Variants in NOTCH1 observed in about 807,000 individuals in gnomAD.
NOTCH1 encodes the protein neurogenic locus notch homolog protein 1.
NOTCH1 carries 37 observed loss-of-function variants against 254.8 expected under a neutral mutation model. The ratio of observed to expected loss-of-function variants is 0.15; its 90% CI spans 0.11 to 0.19. The LOEUF is 0.19. Among genes scored for constraint, NOTCH1 ranks in the 10% least tolerant of loss-of-function variants. The pLI, the probability that NOTCH1 is intolerant of heterozygous loss-of-function variation, is 1.00. For synonymous variants in NOTCH1, 1,731 were observed against 1,618.1 expected (o/e 1.07, Z -1.68); for missense variants, 2,972 against 3,708.6 (o/e 0.80, Z 5.16).
Position 136,522,860 on chromosome 9 carries a change from G to A in NOTCH1, c.732C>T (p.Ala244=). The part of the protein sequence containing the change: ...RPTGDVTHEC[A]CLPGFTGQNC... ...AGCGGGCAGCACTACCTGGCAGGCAGGCACACTCGTGGGTGACGTCGCCCG... is the reference window on the plus strand; with the variant it reads ...AGCGGGCAGCACTACCTGGCAGGCAAGCACACTCGTGGGTGACGTCGCCCG... Residue 244 remains alanine, a synonymous_variant, in exon 4 of 34, where the codon GCC becomes GCT. Coordinates refer to ENST00000651671, the MANE Select transcript of NOTCH1 (RefSeq NM_017617.5). The A allele has an allele frequency of 6.7e-7, 1 of 1,501,108 alleles. No individual in the cohort carries two copies. Among genetic ancestry groups the A allele is most frequent in the South Asian group, 1.3e-5 (1 of 77,532 alleles). 93.0% of individuals were successfully genotyped at this position (1,501,108 alleles called of 1,614,324 possible). A position where few individuals can be genotyped will look rare whatever the true frequency, so the allele number is the denominator to read the frequency against.
chr9:136,507,604 G>A (rs1843109437), intron 21 of NOTCH1, among the ~76,000 whole-genome samples, 167 bp from the exon 22 acceptor site: 1 of 152,232 alleles, frequency 6.6e-6, no homozygotes, highest in African/African-American at 2.4e-5. Context: ...CAGCCCAACA[G>A]ACCCTGGCGG....
chr9:136,505,442 T>C lies in NOTCH1; in HGVS notation c.4454A>G (p.Asp1485Gly), dbSNP rs1450149257. ...AGACTGCGTGCAGTTCTTCCAGGGG[T>C]CATTGAAGTTGAGGGAGCAGTCACC... ...DGGDCSLNFN[D>G]PWKNCTQSLQ... Residue 1485 changes from aspartate to glycine, a missense_variant, in exon 25 of 34, where the codon GAC becomes GGC. By Grantham distance (94) the Asp-to-Gly change is moderately conservative. Coordinates refer to ENST00000651671, the MANE Select transcript of NOTCH1 (RefSeq NM_017617.5). 1 of 1,612,612 alleles carries C rather than the reference T, an allele frequency of 6.2e-7. No homozygotes were observed. The highest frequency in any genetic ancestry group is 1.3e-5 in the African/African-American group (1 of 74,950).
At position 136,502,144 on chromosome 9, in the gene NOTCH1, G is replaced by A. The variant is rs566669647; in HGVS notation, c.5385-56C>T. The A allele has an allele frequency of 1.3e-4, 203 of 1,606,648 alleles. 2 individuals are homozygous for A. The South Asian group carries it at 2.1e-3, about 17-fold the overall frequency. On this transcript the variant is annotated intron_variant, in intron 28 of 33. Coordinates refer to ENST00000651671, the MANE Select transcript of NOTCH1 (RefSeq NM_017617.5). The stretch of plus-strand genomic sequence containing the variant: ...GAGCGAGCTCCCTAGGAAGCCCCCA[G>A]AGACCCCTGGCCCGGGCCTGGCGTG...
At position 136,495,355 on chromosome 9, in the gene NOTCH1, T is replaced by C; in HGVS notation, c.*716A>G. The C allele has an allele frequency of 2.5e-6, 1 of 398,878 alleles. No individual in the cohort carries two copies. The highest frequency in any genetic ancestry group is 4.4e-6 in the Non-Finnish European group (1 of 226,100). 24.7% of individuals were successfully genotyped at this position (398,878 alleles called of 1,614,324 possible). The stretch of plus-strand genomic sequence containing the variant: ...ATACTGAACCTGAAACAAAGATTCA[T>C]GATTGGTACCATGGGTGCACTCTTG... On this transcript the variant is annotated 3_prime_UTR_variant, in exon 34 of 34. Transcript: ENST00000651671.
Position 136,503,182 on chromosome 9 carries a change from T to C in NOTCH1, c.5167A>G (p.Ser1723Gly). 1 of 1,612,726 alleles carries C rather than the reference T, an allele frequency of 6.2e-7. No individual in the cohort carries two copies. The highest frequency in any genetic ancestry group is 8.5e-7 in the Non-Finnish European group (1 of 1,179,996). ...GTTCCCGGGATGGGGCCACACTTAC[T>C]CTGCACGGCCTCGATCTTGTAGGGG... ...NIPYKIEAVQSETVEPPPPAQ... is the reference protein window; with the variant it reads ...NIPYKIEAVQGETVEPPPPAQ... The change falls in exon 27 of 34, where the codon AGT becomes GGT. Residue 1723 changes from serine (S) to glycine (G), a missense_variant and splice_region_variant. This residue lies in a region of NOTCH1 where 421 missense variants were observed against 604.4 expected (regional missense o/e 0.70). Transcript: ENST00000651671.
intron 33 of NOTCH1, among the ~76,000 whole-genome samples, chr9:136,498,633 G>C (rs1842951697): frequency 6.6e-6 from 1 of 152,222 alleles, no homozygotes. Context: ...CTGCCGCCCA[G>C]GAGGGTAGGG....
chr9:136,508,091 G>A lies in NOTCH1; in HGVS notation c.3374C>T (p.Ala1125Val), dbSNP rs200871631. Residue 1125 changes from alanine to valine, a missense_variant, in exon 21 of 34, where the codon GCG becomes GTG. By Grantham distance (64) the Ala-to-Val change is moderately conservative. Around this residue, in one of 8 missense-constraint regions of NOTCH1, gnomAD observed 1,343 missense variants for 1,557.0 expected, o/e 0.86. Coordinates refer to ENST00000651671, the MANE Select transcript of NOTCH1 (RefSeq NM_017617.5). ...GCAGCGGCAGTGGTGCGTGTTGCCC[G>A]CGTCCACACAGAGCCCTCCATGCTG... is the stretch of plus-strand genomic sequence containing the variant. ...LCQHGGLCVD[A>V]GNTHHCRCQA... 5.7e-5 allele frequency: 91 copies of A among 1,609,448 alleles called. No individual in the cohort carries two copies. The highest frequency in any genetic ancestry group is 5.6e-4 in the South Asian group (51 of 91,080).
chr9:136,505,206 A>T, intron 25 of NOTCH1, 102 bp from the exon 26 acceptor site: 1 of 1,514,512 alleles, frequency 6.6e-7, no homozygotes, highest in South Asian at 1.2e-5. Context: ...ACGTCCCTGC[A>T]CCCCCTGAGC....
At position 136,496,154 on chromosome 9, in the gene NOTCH1, C is replaced by T. The variant is rs1052013977; in HGVS notation, c.7585G>A (p.Val2529Ile). ...GAGACGCCCTCGGACCAGTCGGAGACGTTGGAATGCGGGGACGAGCTGGAC... is the reference window on the plus strand; with the variant it reads ...GAGACGCCCTCGGACCAGTCGGAGATGTTGGAATGCGGGGACGAGCTGGAC... ...QWSSSSPHSN[V>I]SDWSEGVSSP... The change falls in exon 34 of 34, where the codon GTC becomes ATC. Residue 2529 changes from valine (V) to isoleucine (I), a missense_variant. Transcript: ENST00000651671. 61 of 1,609,922 alleles carry T rather than the reference C, an allele frequency of 3.8e-5. No individual in the cohort carries two copies. Among genetic ancestry groups the T allele is most frequent in the Middle Eastern group, 1.6e-4 (1 of 6,076 alleles).
At position 136,502,148 on chromosome 9, in the gene NOTCH1, C is replaced by T. The variant is rs1182850522; in HGVS notation, c.5385-60G>A. On this transcript the variant is annotated intron_variant, in intron 28 of 33. Transcript: ENST00000651671. ...GAGCTCCCTAGGAAGCCCCCAGAGA[C>T]CCCTGGCCCGGGCCTGGCGTGGGAG... 8.7e-6 allele frequency: 14 copies of T among 1,604,874 alleles called. No homozygotes were observed. The East Asian group carries it at 1.6e-4, about 18-fold the overall frequency.
Position 136,513,136 on chromosome 9 carries a change from TG to T in NOTCH1, c.2354-3del. On this transcript the variant is annotated splice_polypyrimidine_tract_variant and splice_region_variant and intron_variant, in intron 14 of 33. Coordinates refer to ENST00000651671, the MANE Select transcript of NOTCH1 (RefSeq NM_017617.5). The surrounding 1 kb of genome is among the most constrained non-coding windows in gnomAD (Gnocchi z 4.7). ...TGATGTTGGTCTGGCAGTTGGGACC[TG>T]GAGGGAAGGGGACAGCACTCGGCAT... 6.2e-7 allele frequency: 1 copy of T among 1,610,832 alleles called. No homozygotes were observed. Among genetic ancestry groups the T allele is most frequent in the Non-Finnish European group, 8.5e-7 (1 of 1,178,172 alleles).
Position 136,504,824 on chromosome 9 carries a change from C to G in NOTCH1, c.4867G>C (p.Glu1623Gln), listed in dbSNP as rs187112709. ...ATGGGGTGCTTGCGCAGCTCCTCCT[C>G]GCGGCCGTAGTAGGGGAAGATCATC... The part of the protein sequence containing the change: ...QQMIFPYYGR[E>Q]EELRKHPIKR... The change falls in exon 26 of 34, where the codon GAG (glutamate) becomes CAG (glutamine). Residue 1623 changes from glutamate to glutamine, a missense_variant. By Grantham distance (29) the Glu-to-Gln change is conservative. This residue lies in a region of NOTCH1 where 1,343 missense variants were observed against 1,557.0 expected (regional missense o/e 0.86). Transcript: ENST00000651671. The G allele has an allele frequency of 6.4e-7, 1 of 1,572,176 alleles. No individual in the cohort carries two copies. The highest frequency in any genetic ancestry group is 1.3e-5 in the African/African-American group (1 of 74,464).
At chr9:136,539,986 T>A (rs1589082252) in intron 2 of NOTCH1, among the ~76,000 whole-genome samples, 1 of 152,122 alleles carries the variant, frequency 6.6e-6, no homozygotes, top group Non-Finnish European at 1.5e-5. Flanking sequence ...GCTGGGGCTG[T>A]GTTTAGGGAC....
chr9:136,501,659 A>G, intron 30 of NOTCH1, 89 bp downstream of exon 30: 1 of 1,494,850 alleles, frequency 6.7e-7, no homozygotes, highest in Non-Finnish European at 9.2e-7. Context: ...AAGTTTCCAG[A>G]GTATCAACTG....
intron 15 of NOTCH1, among the ~76,000 whole-genome samples, chr9:136,512,027 A>G (rs773381851): frequency 6.6e-6 from 1 of 152,000 alleles, no homozygotes; most frequent in Non-Finnish European, 1.5e-5. Context: ...CTCTCTTCCT[A>G]TTGGTTTCCA....
At chr9:136,502,224 GTCCCACC>G (rs1564188836) in intron 28 of NOTCH1, 41 bp downstream of exon 28, 1 of 1,592,672 alleles carries the variant, frequency 6.3e-7, no homozygotes, top group South Asian at 1.1e-5. Flanking sequence ...GCTCGGCCAG[GTCCCACC>G]TCCCACCGGG....
At chr9:136,544,604 T>A (rs1484822444) in intron 1 of NOTCH1, among the ~76,000 whole-genome samples, 1 of 148,652 alleles carries the variant, frequency 6.7e-6, no homozygotes, top group Non-Finnish European at 1.5e-5. Flanking sequence ...CGTGGGAAAA[T>A]GCGACAGCTG....
intron 2 of NOTCH1, among the ~76,000 whole-genome samples, chr9:136,539,724 C>T (rs1843704543): frequency 6.6e-6 from 1 of 152,226 alleles, no homozygotes; most frequent in Non-Finnish European, 1.5e-5. Flanking sequence ...GGTCCTGTCA[C>T]AGGCCTTTCC....
In NOTCH1 at chr9:136,505,564, C is replaced by T. The variant is rs59035110; in HGVS notation, c.4332G>A (p.Leu1444=). The T allele has an allele frequency of 6.2e-6, 10 of 1,610,946 alleles. No homozygotes were observed. The East Asian group carries it at 2.2e-4, about 36-fold the overall frequency. The part of the protein sequence containing the change: ...GGAGRDIPPP[L]IEEACELPEC... ...CGGGCAGCTCGCACGCCTCCTCGAT[C>T]AGCGGCGGGGGGATGTCGCGCCCGG... The change falls in exon 25 of 34, where the codon CTG becomes CTA. Residue 1444 remains leucine, a synonymous_variant. Transcript: ENST00000651671.
Sources: allele counts gnomAD v4.1 joint callset (sites outside exome capture counted in the v4.1 genomes callset), GRCh38; gene constraint gnomAD v4.1.1; regional missense constraint gnomAD v4.1.1; non-coding constraint Gnocchi (gnomAD v3.1); transcripts MANE v1.5; gene names NCBI Gene and HGNC (gene_info 2026-07-23, HGNC 2026-07-21).